Variants in SMPDL3B observed in about 807,000 individuals in gnomAD.
SMPDL3B encodes sphingomyelin phosphodiesterase acid like 3B, also known as acid sphingomyelinase-like phosphodiesterase 3b.
SMPDL3B carries 31 observed loss-of-function variants against 37.9 expected under a neutral mutation model. That is an observed-to-expected ratio of 0.82 (90% CI 0.61 to 1.10). The LOEUF (loss-of-function observed/expected upper bound fraction) is 1.10. Ranked by LOEUF, SMPDL3B falls within the 50% of genes least tolerant of loss-of-function variation. SMPDL3B has a pLI of 0.00. For missense variants in SMPDL3B, 525 were observed against 597.8 expected, an observed-to-expected ratio of 0.88 and a Z score of 1.27; for synonymous variants, 235 against 242.6, an observed-to-expected ratio of 0.97 and a Z score of 0.29.
chr1:27,939,389 T>C (rs1282043871), intron 1 of SMPDL3B, among the ~76,000 whole-genome samples: 1 of 152,190 alleles, frequency 6.6e-6, no homozygotes, highest in Non-Finnish European at 1.5e-5. Context: ...CTCTATCTGT[T>C]GCTCAGGCTG....
chr1:27,957,589 C>T (rs1017779891), intron 7 of SMPDL3B, among the ~76,000 whole-genome samples: 8 of 152,082 alleles, frequency 5.3e-5, no homozygotes, highest in South Asian at 2.1e-4. Flanking sequence ...TTAAAGCCAA[C>T]GACTGCATGA....
intron 1 of SMPDL3B, chr1:27,942,246 A>C (rs1483530859): frequency 4.3e-6 from 2 of 466,112 alleles, no homozygotes; most frequent in East Asian, 1.4e-4. Flanking sequence ...AGCTTGAGGC[A>C]GGGGAATAGC....
intron 1 of SMPDL3B, among the ~76,000 whole-genome samples, chr1:27,944,738 T>C (rs1054139908): frequency 6.6e-6 from 1 of 151,986 alleles, no homozygotes; most frequent in Non-Finnish European, 1.5e-5. Context: ...TTTCTTTTTT[T>C]TTTTTTTTAA....
intron 7 of SMPDL3B, chr1:27,956,435 G>T (rs1039655308): frequency 7.9e-6 from 10 of 1,268,230 alleles, no homozygotes; most frequent in Non-Finnish European, 1.0e-5. Flanking sequence ...ACCTTCAGTG[G>T]CTCCCCAGTG....
chr1:27,946,334 A>G (rs1193261228), intron 2 of SMPDL3B, among the ~76,000 whole-genome samples: 1 of 151,778 alleles, frequency 6.6e-6, no homozygotes, highest in Non-Finnish European at 1.5e-5. Flanking sequence ...AGCCTGAGTG[A>G]CACAGCAAGA....
At chr1:27,951,057 C>T (rs2090451900) in intron 3 of SMPDL3B, among the ~76,000 whole-genome samples, 1 of 147,758 alleles carries the variant, frequency 6.8e-6, no homozygotes, top group Non-Finnish European at 1.5e-5. Context: ...GCCACCATGC[C>T]TGGCCTATTG....
At position 27,935,100 on chromosome 1, in the gene SMPDL3B, C is replaced by T. The variant is rs1163989345; in HGVS notation, c.-84C>T. 9.3e-7 allele frequency: 1 copy of T among 1,080,712 alleles called. No homozygotes were observed. The highest frequency in any genetic ancestry group is 1.4e-6 in the Non-Finnish European group (1 of 709,372). The allele number at this position is 1,080,712 out of a possible 1,614,324, so 66.9% of individuals were successfully genotyped here. On this transcript the variant is annotated 5_prime_UTR_variant, in exon 1 of 8. Transcript: ENST00000373894. The stretch of plus-strand genomic sequence containing the variant: ...AAGGAGTTCTGCTCAGGCACGTGGC[C>T]ACAGAAAACTACTTAGGAAGCCTGT...
At chr1:27,949,287 G>A in intron 3 of SMPDL3B, 125 bp downstream of exon 3, 1 of 982,042 alleles carries the variant, frequency 1.0e-6, no homozygotes, top group Admixed American at 2.0e-5. Context: ...ATGGCTGTTG[G>A]CCAGGTCTTC....
Position 27,958,230 on chromosome 1 carries a change from C to T in SMPDL3B, c.1006-246C>T, listed in dbSNP as rs557116381. Among the ~76,000 whole-genome samples the T allele has an allele frequency of 2.0e-5, 3 of 152,308 alleles. No homozygotes were observed. The highest frequency in any genetic ancestry group is 7.2e-5 in the African/African-American group (3 of 41,568). On this transcript the variant is annotated intron_variant, in intron 7 of 7. Transcript: ENST00000373894. The surrounding 1 kb of genome is among the most constrained non-coding windows in gnomAD (Gnocchi z 5.6). The stretch of plus-strand genomic sequence containing the variant: ...TACCTGTATGAATACCTGTATGACC[C>T]TGGCCAAGTGAATTAACCTCTTTAG...
At chr1:27,936,251 A>G (rs1259983569) in intron 1 of SMPDL3B, among the ~76,000 whole-genome samples, 1 of 152,010 alleles carries the variant, frequency 6.6e-6, no homozygotes, top group Non-Finnish European at 1.5e-5. Flanking sequence ...CAGGAGTTTG[A>G]GACCAGCCTG....
At chr1:27,952,751 T>C (rs2090464329) in intron 3 of SMPDL3B, among the ~76,000 whole-genome samples, 1 of 152,248 alleles carries the variant, frequency 6.6e-6, no homozygotes, top group Non-Finnish European at 1.5e-5. Context: ...TTTCCAGTTC[T>C]ATGCATTGGC....
In SMPDL3B at chr1:27,935,471, G is replaced by A. The variant is rs553804951; in HGVS notation, c.61+227G>A. Among the ~76,000 whole-genome samples, 3 of 152,276 alleles carry A rather than the reference G, an allele frequency of 2.0e-5. No individual in the cohort carries two copies. In the East Asian group the frequency reaches 5.8e-4, roughly 29 times the overall value. On this transcript the variant is annotated intron_variant, in intron 1 of 7. Transcript: ENST00000373894. ...GGGAGGGACACCGACATTGCGAAGA[G>A]GTCTGGGTACGTGAGAGCTAGCTAA... is the stretch of plus-strand genomic sequence containing the variant.
rs1460350876 is a variant in SMPDL3B, at chr1:27,958,728, G to A, written c.1258G>A (p.Val420Met). Reference sequence around the variant, plus strand: ...GCAGCACGTGTGTGCCATGCGCCAGGTGGACATTGACGCTTACACCACCTG... The same window carrying A: ...GCAGCACGTGTGTGCCATGCGCCAGATGGACATTGACGCTTACACCACCTG... The part of the protein sequence containing the change: ...SMQHVCAMRQ[V>M]DIDAYTTCLY... The change falls in exon 8 of 8, where the codon GTG (valine) becomes ATG (methionine). Residue 420 changes from valine (V) to methionine (M), a missense_variant. Coordinates refer to ENST00000373894, the MANE Select transcript of SMPDL3B (RefSeq NM_014474.4). This position sits in a 1 kb window ranked among gnomAD's most constrained non-coding sequence, Gnocchi z 5.6. The A allele has an allele frequency of 9.3e-6, 15 of 1,613,794 alleles. No individual in the cohort carries two copies. Among genetic ancestry groups the A allele is most frequent in the Non-Finnish European group, 1.2e-5 (14 of 1,180,026 alleles).
chr1:27,954,357 C>T lies in SMPDL3B; in HGVS notation c.521C>T (p.Ala174Val). ...NESIALFKKG[A>V]FYCEKLPGPS... Reference sequence around the variant, plus strand: ...ATATTGTCCCTGGCTGTGACAGGTGCCTTCTACTGTGAGAAGCTGCCGGGT... The same window carrying T: ...ATATTGTCCCTGGCTGTGACAGGTGTCTTCTACTGTGAGAAGCTGCCGGGT... Residue 174 changes from alanine to valine, a missense_variant, in exon 5 of 8, where the codon GCC becomes GTC. By Grantham distance (64) the Ala-to-Val change is moderately conservative (BLOSUM62 0). Coordinates refer to ENST00000373894, the MANE Select transcript of SMPDL3B (RefSeq NM_014474.4). The T allele has an allele frequency of 2.5e-6, 4 of 1,613,194 alleles. No homozygotes were observed. Among genetic ancestry groups the T allele is most frequent in the Non-Finnish European group, 3.4e-6 (4 of 1,179,460 alleles).
At chr1:27,956,332 G>A (rs1419767989) in intron 7 of SMPDL3B, 5 of 1,428,128 alleles carry the variant, frequency 3.5e-6, no homozygotes, top group Middle Eastern at 1.9e-4. Flanking sequence ...CCCTGCCTCT[G>A]GCCCTGCCCT....
chr1:27,954,234 T>G, intron 4 of SMPDL3B, 120 bp from the exon 5 acceptor site: 22 of 949,660 alleles, frequency 2.3e-5, no homozygotes, highest in Non-Finnish European at 3.5e-5. Flanking sequence ...GTCCCACCCA[T>G]GGGAAAGATG....
At chr1:27,953,114 C>A in intron 3 of SMPDL3B, 101 bp from the exon 4 acceptor site, 3 of 834,818 alleles carry the variant, frequency 3.6e-6, no homozygotes, top group South Asian at 3.3e-5. Context: ...TGTGCTATCG[C>A]TCTTCCCCTT....
rs939153650 is a variant in SMPDL3B at position 27,954,599 on chromosome 1, C to T, written c.690+73C>T. 45 of 1,421,442 alleles carry T rather than the reference C, an allele frequency of 3.2e-5. No homozygotes were observed. In the African/African-American group the frequency reaches 6.0e-4, roughly 19 times the overall value. The allele number at this position is 1,421,442 out of a possible 1,614,324, so 88.1% of individuals were successfully genotyped here. On this transcript the variant is annotated intron_variant, in intron 5 of 7. Transcript: ENST00000373894. ...ACAAGTCTCCCGCTTGGCACAAACT[C>T]ACCCACCCACCCAAAGATGCCCATA...
chr1:27,940,668 T>G (rs534109546), intron 1 of SMPDL3B, among the ~76,000 whole-genome samples: 2 of 152,272 alleles, frequency 1.3e-5, no homozygotes, highest in Admixed American at 1.3e-4. Context: ...TGAATAATAA[T>G]GATAGCTGAG....
Sources: gnomAD v4.1 joint callset for allele counts (sites outside exome capture counted in the v4.1 genomes callset) on GRCh38, gnomAD v4.1.1 for gene constraint, Gnocchi (gnomAD v3.1) non-coding constraint, MANE v1.5 for transcripts, NCBI Gene and HGNC (gene_info 2026-07-23, HGNC 2026-07-21) for gene names.